Variants in APCDD1L observed in about 807,000 individuals in gnomAD.
APCDD1L encodes protein APCDD1-like.
A neutral mutation model predicts 24.2 loss-of-function variants in APCDD1L; 21 were observed. That is an observed-to-expected ratio of 0.87 (90% CI 0.61 to 1.25). APCDD1L has a LOEUF of 1.25. APCDD1L is among the 50% of genes most tolerant of loss of function. The pLI is 0.00. For missense variants in APCDD1L, 704 were observed against 711.7 expected (o/e 0.99, Z 0.12); for synonymous variants, 321 against 323.6 (o/e 0.99, Z 0.09).
rs529371546 is a variant in APCDD1L at position 58,481,597 on chromosome 20, G to A, written c.50-10850C>T. On this transcript the variant is annotated intron_variant, in intron 1 of 3. Transcript: ENST00000371149. ...GATCTGAGACCTGCCCAAAGATGTC[G>A]GGGGTGACTGGGAGGAACCCCAGCG... is the stretch of plus-strand genomic sequence containing the variant. Among the ~76,000 whole-genome samples the A allele has an allele frequency of 2.4e-4, 37 of 152,280 alleles. No individual in the cohort carries two copies. In the South Asian group the frequency reaches 3.7e-3, roughly 15 times the overall value.
At chr20:58,498,545 G>T (rs892195331) in intron 1 of APCDD1L, among the ~76,000 whole-genome samples, 1 of 152,320 alleles carries the variant, frequency 6.6e-6, no homozygotes, top group African/African-American at 2.4e-5. Context: ...CTGGCCTCGG[G>T]GGAAGCTGAT....
intron 1 of APCDD1L, among the ~76,000 whole-genome samples, chr20:58,473,934 G>A (rs543219269): frequency 6.6e-6 from 1 of 152,344 alleles, no homozygotes; most frequent in Non-Finnish European, 1.5e-5. Flanking sequence ...GGCTACCGGA[G>A]CTTAAAATAT....
chr20:58,496,540 A>C (rs1990326337), intron 1 of APCDD1L, among the ~76,000 whole-genome samples: 1 of 152,236 alleles, frequency 6.6e-6, no homozygotes, highest in African/African-American at 2.4e-5. Context: ...GGGAAGCGAC[A>C]GGGGAGAGAA....
chr20:58,473,858 GA>G (rs1989858115), intron 1 of APCDD1L, among the ~76,000 whole-genome samples: 1 of 152,188 alleles, frequency 6.6e-6, no homozygotes, highest in African/African-American at 2.4e-5. Context: ...AGGGACATTT[GA>G]AATTAGATAG....
rs943100834 is a variant in APCDD1L, at chr20:58,514,878, G to A, written c.-171C>T. ...GCGCTCACACGCGCTCAGCCTTCCC[G>A]GCTGTTGATAGTTGTAAGCGGAGCT... On this transcript the variant is annotated 5_prime_UTR_variant, in exon 1 of 4. Transcript: ENST00000371149. The A allele has an allele frequency of 2.3e-6, 1 of 435,668 alleles. No individual in the cohort carries two copies. The highest frequency in any genetic ancestry group is 3.8e-6 in the Non-Finnish European group (1 of 261,990). 27.0% of individuals were successfully genotyped at this position (435,668 alleles called of 1,614,324 possible).
intron 1 of APCDD1L, among the ~76,000 whole-genome samples, chr20:58,512,666 C>A (rs1990649899): frequency 1.3e-5 from 2 of 152,154 alleles, no homozygotes; most frequent in African/African-American, 4.8e-5. Flanking sequence ...GTGCCCAGCT[C>A]AGGCACCTAA....
rs1489732696 is a variant in APCDD1L at position 58,459,463 on chromosome 20, A to G, written c.*1327T>C. The G allele has an allele frequency of 6.6e-6, 1 of 152,118 alleles. No homozygotes were observed. The highest frequency in any genetic ancestry group is 1.5e-5 in the Non-Finnish European group (1 of 68,022). The allele number at this position is 152,118 out of a possible 1,614,324, so 9.4% of individuals were successfully genotyped here. A position where few individuals can be genotyped will look rare whatever the true frequency, so the allele number is the denominator to read the frequency against. ...AGGAAAAGGGCTTCCCTCTGAAACC[A>G]TCATTAACCTCACAGACAATTGTTC... On this transcript the variant is annotated 3_prime_UTR_variant, in exon 4 of 4. Coordinates refer to ENST00000371149, the MANE Select transcript of APCDD1L (RefSeq NM_153360.3).
In APCDD1L at chr20:58,460,900, G is replaced by A. The variant is rs373370956; in HGVS notation, c.1396C>T (p.Pro466Ser). 2.5e-6 allele frequency: 4 copies of A among 1,609,344 alleles called. No homozygotes were observed. Among genetic ancestry groups the A allele is most frequent in the Non-Finnish European group, 2.5e-6 (3 of 1,176,852 alleles). ...HGEAPDFSRP[P>S]QHRPSLQKHP... Reference sequence around the variant, plus strand: ...TTCTGCAGCGATGGCCTGTGCTGCGGTGGCCTGGAGAAGTCGGGGGCCTCC... The same window carrying A: ...TTCTGCAGCGATGGCCTGTGCTGCGATGGCCTGGAGAAGTCGGGGGCCTCC... The change falls in exon 4 of 4, where the codon CCG becomes TCG. Residue 466 changes from proline to serine, a missense_variant. Physicochemically the swap from Pro to Ser is moderately conservative, Grantham distance 74. Coordinates refer to ENST00000371149, the MANE Select transcript of APCDD1L (RefSeq NM_153360.3). This position sits in a 1 kb window ranked among gnomAD's most constrained non-coding sequence, Gnocchi z 4.2.
intron 1 of APCDD1L, among the ~76,000 whole-genome samples, chr20:58,475,398 TATC>T (rs991956441): frequency 7.9e-5 from 12 of 152,308 alleles, no homozygotes; most frequent in African/African-American, 2.9e-4. Context: ...TGGCGGTAGT[TATC>T]ATAACAGCCT....
chr20:58,475,805 G>T (rs527440929), intron 1 of APCDD1L, among the ~76,000 whole-genome samples: 2 of 152,082 alleles, frequency 1.3e-5, no homozygotes, highest in Non-Finnish European at 2.9e-5. Context: ...GTGGCTCCAG[G>T]TGTCCCTTGG....
At chr20:58,488,006 C>G (rs1338323940) in intron 1 of APCDD1L, among the ~76,000 whole-genome samples, 1 of 152,102 alleles carries the variant, frequency 6.6e-6, no homozygotes, top group African/African-American at 2.4e-5. Context: ...GTTGTGTAAG[C>G]ATAGTGTATA....
rs1443255233 is a variant in APCDD1L, at chr20:58,467,390, G to A, written c.457C>T (p.Arg153Cys). 3 of 1,517,148 alleles carry A rather than the reference G, an allele frequency of 2.0e-6. No individual in the cohort carries two copies. The highest frequency in any genetic ancestry group is 1.4e-5 in the African/African-American group (1 of 70,044). 94.0% of individuals were successfully genotyped at this position (1,517,148 alleles called of 1,614,324 possible). A position where few individuals can be genotyped will look rare whatever the true frequency, so the allele number is the denominator to read the frequency against. ...VDVTGRLNQTRAGRDCARRLP... is the reference protein window; with the variant it reads ...VDVTGRLNQTCAGRDCARRLP... Reference sequence around the variant, plus strand: ...CGCCGCGCGCAGTCCCGGCCGGCGCGGGTCTGGTTGAGGCGCCCGGTGACG... The same window carrying A: ...CGCCGCGCGCAGTCCCGGCCGGCGCAGGTCTGGTTGAGGCGCCCGGTGACG... The change falls in exon 3 of 4, where the codon CGC (arginine) becomes TGC (cysteine). Residue 153 changes from arginine (R) to cysteine (C), a missense_variant. Arg to Cys is a radical substitution (Grantham distance 180, BLOSUM62 -3). Transcript: ENST00000371149. This position sits in a 1 kb window ranked among gnomAD's most constrained non-coding sequence, Gnocchi z 5.9.
At chr20:58,492,209 C>T (rs923591617) in intron 1 of APCDD1L, among the ~76,000 whole-genome samples, 6 of 152,200 alleles carry the variant, frequency 3.9e-5, no homozygotes, top group East Asian at 1.9e-4. Flanking sequence ...CTGGTAAATA[C>T]GATCCTATTA....
At position 58,494,191 on chromosome 20, in the gene APCDD1L, G is replaced by A. The variant is rs79627973; in HGVS notation, c.49+20468C>T. Among the ~76,000 whole-genome samples the A allele has an allele frequency of 0.1, 15,476 of 152,162 alleles. 2,594 individuals are homozygous for A. The highest frequency in any genetic ancestry group is 0.35 in the African/African-American group (14,647 of 41,446). On this transcript the variant is annotated intron_variant, in intron 1 of 3. Coordinates refer to ENST00000371149, the MANE Select transcript of APCDD1L (RefSeq NM_153360.3). This position sits in a 1 kb window ranked among gnomAD's most constrained non-coding sequence, Gnocchi z 4.8. ...GTCTTGCTGTCTCAGGGGCAGCAGAGGCAGAAGAAAATCTGGGGATAAGTG... is the reference window on the plus strand; with the variant it reads ...GTCTTGCTGTCTCAGGGGCAGCAGAAGCAGAAGAAAATCTGGGGATAAGTG...
intron 1 of APCDD1L, chr20:58,513,838 T>C (rs1328291282): frequency 1.6e-6 from 2 of 1,264,976 alleles, no homozygotes; most frequent in Non-Finnish European, 2.1e-6. Context: ...CGGGTTGATA[T>C]GATGTTGATC....
At position 58,463,985 on chromosome 20, in the gene APCDD1L, A is replaced by ATATTG. The variant is rs1989664834; in HGVS notation, c.742-2436_742-2432dup. Among the ~76,000 whole-genome samples, 6 of 151,030 alleles carry ATATTG rather than the reference A, an allele frequency of 4.0e-5. No homozygotes were observed. In the South Asian group the frequency reaches 1.3e-3, roughly 32 times the overall value. On this transcript the variant is annotated intron_variant, in intron 3 of 3. Coordinates refer to ENST00000371149, the MANE Select transcript of APCDD1L (RefSeq NM_153360.3). ...CTTGATTTATATAATATCGGAGACC[A>ATATTG]TATTGGCTTTGGTTATGGGGATTTG... is the stretch of plus-strand genomic sequence containing the variant.
intron 1 of APCDD1L, among the ~76,000 whole-genome samples, chr20:58,481,279 C>T (rs528798870): frequency 6.6e-6 from 1 of 152,324 alleles, no homozygotes; most frequent in South Asian, 2.1e-4. Flanking sequence ...AAGGCTGAAG[C>T]TTTTATTGTT....
chr20:58,471,935 G>C (rs1409067113), intron 1 of APCDD1L, among the ~76,000 whole-genome samples: 1 of 152,172 alleles, frequency 6.6e-6, no homozygotes, highest in Admixed American at 6.5e-5. Context: ...GGGCCTGGCA[G>C]TAACTTCAGG....
At position 58,508,450 on chromosome 20, in the gene APCDD1L, C is replaced by T. The variant is rs1468743557; in HGVS notation, c.49+6209G>A. ...GAGAGACTCCAGCTGATGTGCTTTA[C>T]ATCTTGACAGCATACAAGGCTTTTA... is the stretch of plus-strand genomic sequence containing the variant. On this transcript the variant is annotated intron_variant, in intron 1 of 3. Transcript: ENST00000371149. This position sits in a 1 kb window ranked among gnomAD's most constrained non-coding sequence, Gnocchi z 4.0. 3.3e-5 allele frequency among the ~76,000 whole-genome samples: 5 copies of T among 152,238 alleles called. No individual in the cohort carries two copies. The highest frequency in any genetic ancestry group is 1.2e-4 in the African/African-American group (5 of 41,468).
Sources: gnomAD v4.1 joint callset for allele counts (sites outside exome capture counted in the v4.1 genomes callset) on GRCh38, gnomAD v4.1.1 for gene constraint, Gnocchi (gnomAD v3.1) non-coding constraint, MANE v1.5 for transcripts, NCBI Gene and HGNC (gene_info 2026-07-23, HGNC 2026-07-21) for gene names.